PTGFR: variants seen among roughly 807,000 people sequenced by gnomAD.
PTGFR encodes the protein prostaglandin F receptor, also known as prostaglandin F2-alpha receptor.
In PTGFR, 15 loss-of-function variants were observed where a neutral mutation model predicts 26.2. That is an observed-to-expected ratio of 0.57 (90% CI 0.38 to 0.88). The LOEUF (loss-of-function observed/expected upper bound fraction) is 0.88, where lower values mean the gene tolerates loss of function less well. PTGFR is among the 40% of genes least tolerant of loss of function. PTGFR has a pLI of 0.00. For synonymous variants in PTGFR, 165 were observed against 151.1 expected (o/e 1.09, Z -0.68); for missense variants, 369 against 427.2 (o/e 0.86, Z 1.20).
chr1:78,494,288 G>A (rs1422070643), intron 2 of PTGFR, among the ~76,000 whole-genome samples: 2 of 152,176 alleles, frequency 1.3e-5, no homozygotes, highest in Non-Finnish European at 2.9e-5. Context: ...TGATAGATAA[G>A]TATGACCTTA....
In PTGFR at chr1:78,492,038, C is replaced by T. The variant is rs561812910; in HGVS notation, c.-72-634C>T. 2.6e-5 allele frequency among the ~76,000 whole-genome samples: 4 copies of T among 152,348 alleles called. No individual in the cohort carries two copies. The East Asian group carries it at 7.7e-4, about 29-fold the overall frequency. ...GCGAATCAGAATTTCTACACAGGGGCAGCTAGACCAGAAAACCTTCCCAGA... is the reference window on the plus strand; with the variant it reads ...GCGAATCAGAATTTCTACACAGGGGTAGCTAGACCAGAAAACCTTCCCAGA... On this transcript the variant is annotated intron_variant, in intron 1 of 2. Transcript: ENST00000370757.
At chr1:78,510,173 GA>G (rs1263364454) in intron 2 of PTGFR, among the ~76,000 whole-genome samples, 58 of 152,254 alleles carry the variant, frequency 3.8e-4, no homozygotes, top group Admixed American at 6.5e-4. Flanking sequence ...CTCTCCTCTA[GA>G]AGGCCACAAC....
chr1:78,508,112 AC>A (rs1170549013), intron 2 of PTGFR, among the ~76,000 whole-genome samples: 1 of 151,416 alleles, frequency 6.6e-6, no homozygotes, highest in Admixed American at 6.6e-5. Flanking sequence ...ATTTTTTTTA[AC>A]CTCACAGAAA....
chr1:78,525,427 G>A (rs150578509), intron 2 of PTGFR, among the ~76,000 whole-genome samples: 37 of 152,050 alleles, frequency 2.4e-4, no homozygotes, highest in Non-Finnish European at 5.3e-4. Flanking sequence ...ATTAGGACCA[G>A]TCAAAAGAAC....
rs1650615729 is a variant in PTGFR, at chr1:78,535,170, G to T, written c.799-1236G>T. ...TAGAGGAGAGAGGAGAATCAGAGGA[G>T]TGTGCACCATGTAACTCAAAACAAA... On this transcript the variant is annotated intron_variant, in intron 2 of 2. Transcript: ENST00000370757. Among the ~76,000 whole-genome samples, 6 of 152,248 alleles carry T rather than the reference G, an allele frequency of 3.9e-5. No individual in the cohort carries two copies. In the South Asian group the frequency reaches 1.0e-3, roughly 26 times the overall value.
At position 78,537,691 on chromosome 1, in the gene PTGFR, A is replaced by C. The variant is rs1650691765; in HGVS notation, c.*1004A>C. ...ACACATATACACACAGACATCAGAA[A>C]ATTCTGTTGAGAGCAGGTTCATTAA... On this transcript the variant is annotated 3_prime_UTR_variant, in exon 3 of 3. Coordinates refer to ENST00000370757, the MANE Select transcript of PTGFR (RefSeq NM_000959.4). 6.6e-6 allele frequency: 1 copy of C among 152,154 alleles called. No individual in the cohort carries two copies. 9.4% of individuals were successfully genotyped at this position (152,154 alleles called of 1,614,324 possible).
At chr1:78,521,130 T>C (rs1650211948) in intron 2 of PTGFR, among the ~76,000 whole-genome samples, 1 of 152,126 alleles carries the variant, frequency 6.6e-6, no homozygotes. Context: ...CTGTGACTTT[T>C]GCTCACTGCA....
intron 2 of PTGFR, among the ~76,000 whole-genome samples, chr1:78,522,289 G>T (rs530992167): frequency 4.6e-4 from 70 of 152,082 alleles, no homozygotes; most frequent in African/African-American, 1.6e-3. Flanking sequence ...AAAGTTATCT[G>T]CCTTTAAAGG....
chr1:78,507,479 T>C (rs112805876), intron 2 of PTGFR, among the ~76,000 whole-genome samples: 26 of 152,338 alleles, frequency 1.7e-4, no homozygotes, highest in African/African-American at 6.0e-4. Flanking sequence ...GAAAAATTAA[T>C]GCCTCTCCAT....
chr1:78,492,559 T>A, intron 1 of PTGFR, 113 bp from the exon 2 acceptor site: 1 of 577,880 alleles, frequency 1.7e-6, no homozygotes, highest in Non-Finnish European at 3.0e-6. Flanking sequence ...GCAACCTTGC[T>A]TATGATAGGC....
intron 2 of PTGFR, among the ~76,000 whole-genome samples, chr1:78,513,829 G>A (rs1374451478): frequency 6.6e-6 from 1 of 152,218 alleles, no homozygotes; most frequent in Non-Finnish European, 1.5e-5. Context: ...CCACATCCAG[G>A]GTGCCCGGAC....
chr1:78,504,477 A>G (rs907213050), intron 2 of PTGFR, among the ~76,000 whole-genome samples: 8 of 152,140 alleles, frequency 5.3e-5, no homozygotes, highest in Admixed American at 5.2e-4. Context: ...TAATTCTGAT[A>G]TATAAAAATA....
intron 2 of PTGFR, among the ~76,000 whole-genome samples, chr1:78,507,986 C>G (rs1251126944): frequency 1.3e-5 from 2 of 152,060 alleles, no homozygotes; most frequent in African/African-American, 4.8e-5. Flanking sequence ...AGTTTGAAAC[C>G]AATTTAATTC....
At chr1:78,524,570 C>T (rs138282921) in intron 2 of PTGFR, among the ~76,000 whole-genome samples, 7 of 152,192 alleles carry the variant, frequency 4.6e-5, no homozygotes, top group Non-Finnish European at 7.4e-5. Flanking sequence ...CTTTCTTTCT[C>T]ACTGGCAATA....
intron 2 of PTGFR, among the ~76,000 whole-genome samples, chr1:78,519,617 T>C (rs1650176547): frequency 6.6e-6 from 1 of 152,094 alleles, no homozygotes; most frequent in Non-Finnish European, 1.5e-5. Flanking sequence ...ATGACTAAAA[T>C]GCGATACTAA....
chr1:78,496,661 A>G lies in PTGFR; in HGVS notation c.798+3120A>G, dbSNP rs187937025. Among the ~76,000 whole-genome samples the G allele has an allele frequency of 1.4e-3, 206 of 152,346 alleles. 1 individual carries two copies. Among genetic ancestry groups the G allele is most frequent in the African/African-American group, 4.8e-3 (200 of 41,580 alleles). On this transcript the variant is annotated intron_variant, in intron 2 of 2. Coordinates refer to ENST00000370757, the MANE Select transcript of PTGFR (RefSeq NM_000959.4). ...TGCATCAAAACTTGTCAATAGTGGC[A>G]TAATTTCTAAAATCATTGAAATGTA...
At position 78,529,015 on chromosome 1, in the gene PTGFR, A is replaced by C. The variant is rs920458645; in HGVS notation, c.799-7391A>C. Reference sequence around the variant, plus strand: ...ATGCCCAGGCACAAAAGACCTACACACATTTCAATAAGTAGATAGATGAGA... The same window carrying C: ...ATGCCCAGGCACAAAAGACCTACACCCATTTCAATAAGTAGATAGATGAGA... On this transcript the variant is annotated intron_variant, in intron 2 of 2. Coordinates refer to ENST00000370757, the MANE Select transcript of PTGFR (RefSeq NM_000959.4). 2.0e-5 allele frequency among the ~76,000 whole-genome samples: 3 copies of C among 152,202 alleles called. No individual in the cohort carries two copies. In the South Asian group the frequency reaches 6.2e-4, roughly 31 times the overall value.
chr1:78,497,124 C>T (rs1191968492), intron 2 of PTGFR, among the ~76,000 whole-genome samples: 1 of 151,920 alleles, frequency 6.6e-6, no homozygotes, highest in African/African-American at 2.4e-5. Flanking sequence ...TTTTATTTTT[C>T]CAAAAGGGGA....
chr1:78,517,005 T>G (rs1365994338), intron 2 of PTGFR, among the ~76,000 whole-genome samples: 3 of 152,182 alleles, frequency 2.0e-5, no homozygotes, highest in Non-Finnish European at 4.4e-5. Context: ...TCTGATGTGT[T>G]TGCTATGAGA....
Sources: gnomAD v4.1 joint callset for allele counts (sites outside exome capture counted in the v4.1 genomes callset) on GRCh38, gnomAD v4.1.1 for gene constraint, MANE v1.5 for transcripts, NCBI Gene and HGNC (gene_info 2026-07-23, HGNC 2026-07-21) for gene names.